The following DOK6 variants were observed in gnomAD, a reference collection of about 807,000 sequenced individuals.
DOK6 encodes the protein docking protein 6.
In DOK6, 22 loss-of-function variants were observed where a neutral mutation model predicts 44.0. The ratio of observed to expected loss-of-function variants is 0.50; its 90% CI spans 0.36 to 0.71. The LOEUF (loss-of-function observed/expected upper bound fraction) is 0.71. Among genes scored for constraint, DOK6 ranks in the 30% least tolerant of loss-of-function variants. The pLI, the probability that DOK6 is intolerant of heterozygous loss-of-function variation, is 0.00. For missense variants in DOK6, 340 were observed against 416.4 expected, an observed-to-expected ratio of 0.82 and a Z score of 1.60; for synonymous variants, 166 against 145.5, an observed-to-expected ratio of 1.14 and a Z score of -1.01.
intron 3 of DOK6, among the ~76,000 whole-genome samples, chr18:69,626,220 G>A (rs1010457513): frequency 6.6e-6 from 1 of 152,154 alleles, no homozygotes; most frequent in African/African-American, 2.4e-5. Flanking sequence ...TATAAAATCT[G>A]TCACTTTAAT....
intron 2 of DOK6, among the ~76,000 whole-genome samples, chr18:69,569,339 C>T (rs1388026712): frequency 6.6e-6 from 1 of 152,204 alleles, no homozygotes; most frequent in Non-Finnish European, 1.5e-5. Flanking sequence ...GCTTAAGCAT[C>T]TCACTGAAGT....
intron 1 of DOK6, among the ~76,000 whole-genome samples, chr18:69,563,378 A>G (rs1982887467): frequency 6.6e-6 from 1 of 152,178 alleles, no homozygotes; most frequent in South Asian, 2.1e-4. Flanking sequence ...ACTATTCACA[A>G]TAGCAAAGAC....
intron 1 of DOK6, among the ~76,000 whole-genome samples, chr18:69,541,912 T>C (rs1456555782): frequency 4.0e-5 from 6 of 151,580 alleles, no homozygotes; most frequent in African/African-American, 1.4e-4. Context: ...AAGAGAGCTA[T>C]CTGTGACAGA....
intron 1 of DOK6, among the ~76,000 whole-genome samples, chr18:69,539,413 TAAAA>T (rs905416811): frequency 6.7e-6 from 1 of 150,016 alleles, no homozygotes; most frequent in Non-Finnish European, 1.5e-5. Flanking sequence ...TTTGTGAAGA[TAAAA>T]AAAAGTGACC....
At chr18:69,766,319 A>G (rs755704660) in intron 7 of DOK6, among the ~76,000 whole-genome samples, 1 of 152,216 alleles carries the variant, frequency 6.6e-6, no homozygotes, top group Non-Finnish European at 1.5e-5. Flanking sequence ...TGATGGGATC[A>G]GTCGTAACCA....
chr18:69,570,061 G>GAA (rs1983077203), intron 2 of DOK6, among the ~76,000 whole-genome samples: 1 of 151,552 alleles, frequency 6.6e-6, no homozygotes, highest in Admixed American at 6.6e-5. Context: ...GTGGATGGAA[G>GAA]GAGGTTTCAG....
intron 1 of DOK6, among the ~76,000 whole-genome samples, chr18:69,517,488 A>G (rs1356549456): frequency 6.6e-6 from 1 of 152,182 alleles, no homozygotes; most frequent in Non-Finnish European, 1.5e-5. Flanking sequence ...TGAACTATAT[A>G]GAGCCATGGG....
At chr18:69,579,804 G>A (rs921580907) in intron 2 of DOK6, among the ~76,000 whole-genome samples, 4 of 151,994 alleles carry the variant, frequency 2.6e-5, no homozygotes, top group Non-Finnish European at 5.9e-5. Context: ...GGATGGTCTC[G>A]ATCTCCTAAC....
chr18:69,577,687 G>C (rs1374624871), intron 2 of DOK6, among the ~76,000 whole-genome samples: 1 of 152,132 alleles, frequency 6.6e-6, no homozygotes, highest in Non-Finnish European at 1.5e-5. Context: ...CATCTCTAGA[G>C]AGATGTTCTG....
intron 5 of DOK6, among the ~76,000 whole-genome samples, chr18:69,733,359 A>G (rs1197244947): frequency 6.6e-6 from 1 of 152,182 alleles, no homozygotes; most frequent in African/African-American, 2.4e-5. Flanking sequence ...TCCAGAGTTT[A>G]ATGTACATAC....
chr18:69,633,866 C>A (rs181222487), intron 3 of DOK6, among the ~76,000 whole-genome samples: 43 of 152,026 alleles, frequency 2.8e-4, no homozygotes, highest in Non-Finnish European at 2.2e-4. Context: ...TACTAAGTAC[C>A]GAGTAAGGGA....
chr18:69,625,490 C>A (rs57767533), intron 3 of DOK6, among the ~76,000 whole-genome samples: 6,735 of 152,222 alleles, frequency 0.044, 470 homozygotes, highest in African/African-American at 0.15. Context: ...GCATTGCAGT[C>A]AGATACATCA....
chr18:69,551,884 T>C (rs2144589082), intron 1 of DOK6, among the ~76,000 whole-genome samples: 1 of 152,308 alleles, frequency 6.6e-6, no homozygotes, highest in Middle Eastern at 3.4e-3. Context: ...TGTTCTTACG[T>C]TTAGAAAATC....
At chr18:69,670,474 T>G (rs1280684531) in intron 3 of DOK6, among the ~76,000 whole-genome samples, 2 of 151,406 alleles carry the variant, frequency 1.3e-5, no homozygotes. Context: ...TGCTTGATTA[T>G]TGTATTCTTG....
chr18:69,760,099 A>G (rs1979495495), intron 7 of DOK6, among the ~76,000 whole-genome samples: 1 of 152,064 alleles, frequency 6.6e-6, no homozygotes, highest in South Asian at 2.1e-4. Context: ...GAATAAATAG[A>G]TAAAGTTGTT....
chr18:69,457,791 T>C (rs1283454305), intron 1 of DOK6, among the ~76,000 whole-genome samples: 1 of 152,186 alleles, frequency 6.6e-6, no homozygotes, highest in Admixed American at 6.5e-5. Flanking sequence ...TTCAATTTGT[T>C]TGTGTCATCT....
At chr18:69,556,267 C>A (rs539539865) in intron 1 of DOK6, among the ~76,000 whole-genome samples, 1 of 152,132 alleles carries the variant, frequency 6.6e-6, no homozygotes, top group Non-Finnish European at 1.5e-5. Flanking sequence ...GCTCTTGAAG[C>A]AGTTCAGAAG....
intron 1 of DOK6, among the ~76,000 whole-genome samples, chr18:69,479,662 T>C (rs1305194582): frequency 6.6e-6 from 1 of 152,146 alleles, no homozygotes. Flanking sequence ...TCATTAACTT[T>C]GGCAAATTTT....
intron 3 of DOK6, among the ~76,000 whole-genome samples, chr18:69,650,258 G>C (rs976558519): frequency 9.9e-5 from 15 of 152,152 alleles, no homozygotes; most frequent in African/African-American, 3.6e-4. Context: ...GAATACTACT[G>C]CTCTGTGGGT....
Sources: allele counts gnomAD v4.1 joint callset (sites outside exome capture counted in the v4.1 genomes callset), GRCh38; gene constraint gnomAD v4.1.1; transcripts MANE v1.5; gene names NCBI Gene and HGNC (gene_info 2026-07-23, HGNC 2026-07-21).